SNX29: variants seen among roughly 807,000 people sequenced by gnomAD.
SNX29 encodes sorting nexin 29.
A neutral mutation model predicts 102.1 loss-of-function variants in SNX29; 78 were observed. That is an observed-to-expected ratio of 0.76 (90% CI 0.64 to 0.92). The LOEUF is 0.92. SNX29 is among the 40% of genes least tolerant of loss of function. SNX29 has a pLI of 0.00. For synonymous variants in SNX29, 580 were observed against 414.5 expected (o/e 1.40, Z -4.85); for missense variants, 1,280 against 1,061.7 (o/e 1.21, Z -2.86).
chr16:12,003,429 C>A (rs1428456960), intron 3 of SNX29, among the ~76,000 whole-genome samples: 1 of 152,006 alleles, frequency 6.6e-6, no homozygotes, highest in Admixed American at 6.6e-5. Flanking sequence ...TGTTATATAG[C>A]CATTAAAAAT....
At chr16:12,166,434 G>C (rs1272793310) in intron 13 of SNX29, among the ~76,000 whole-genome samples, 5 of 152,226 alleles carry the variant, frequency 3.3e-5, no homozygotes, top group Non-Finnish European at 7.3e-5. Context: ...TGGAGGGCTA[G>C]CCAGGTTAAC....
At chr16:12,262,788 C>T (rs905610378) in intron 14 of SNX29, among the ~76,000 whole-genome samples, 1 of 152,196 alleles carries the variant, frequency 6.6e-6, no homozygotes, top group Non-Finnish European at 1.5e-5. Flanking sequence ...ATGCAGTTCA[C>T]GTGTTCTAAG....
chr16:12,525,386 C>G (rs169770), intron 20 of SNX29, among the ~76,000 whole-genome samples: 31,608 of 152,016 alleles, frequency 0.21, 3,435 homozygotes, highest in East Asian at 0.3. Flanking sequence ...AATCATTACA[C>G]TTCAGGCTGG....
chr16:12,077,427 GTA>G (rs56935387), intron 10 of SNX29, among the ~76,000 whole-genome samples: 1 of 145,598 alleles, frequency 6.9e-6, no homozygotes, highest in South Asian at 2.2e-4. Flanking sequence ...GTGTGTGTGT[GTA>G]TCTCTGTTAA....
chr16:12,291,192 G>T (rs960089327), intron 15 of SNX29, among the ~76,000 whole-genome samples: 10 of 152,164 alleles, frequency 6.6e-5, no homozygotes, highest in Non-Finnish European at 1.3e-4. Context: ...TTAGTCCATT[G>T]TCACGGTGCT....
intron 14 of SNX29, among the ~76,000 whole-genome samples, chr16:12,233,324 A>T (rs545194922): frequency 1.3e-5 from 2 of 152,302 alleles, no homozygotes; most frequent in South Asian, 2.1e-4. Flanking sequence ...ATCCTAAGCA[A>T]ATTAGTGCCC....
chr16:12,211,279 G>A (rs2077176479), intron 14 of SNX29, among the ~76,000 whole-genome samples: 1 of 152,092 alleles, frequency 6.6e-6, no homozygotes, highest in African/African-American at 2.4e-5. Flanking sequence ...AGGTAATTTC[G>A]AATACATATT....
chr16:12,235,395 G>A (rs1168817682), intron 14 of SNX29, among the ~76,000 whole-genome samples: 2 of 152,124 alleles, frequency 1.3e-5, no homozygotes, highest in South Asian at 2.1e-4. Flanking sequence ...TTGAAATTTG[G>A]TTAGGAAGCG....
At chr16:12,030,319 A>G (rs2057303901) in intron 4 of SNX29, among the ~76,000 whole-genome samples, 1 of 152,146 alleles carries the variant, frequency 6.6e-6, no homozygotes, top group African/African-American at 2.4e-5. Context: ...TGTCTCATGA[A>G]TGTCTCTATT....
intron 19 of SNX29, among the ~76,000 whole-genome samples, chr16:12,495,367 C>G (rs971918541): frequency 6.6e-6 from 1 of 152,036 alleles, no homozygotes; most frequent in South Asian, 2.1e-4. Flanking sequence ...GTCCAGGTCT[C>G]GAACTCCTGA....
chr16:12,305,873 C>A (rs1341023439), intron 15 of SNX29, among the ~76,000 whole-genome samples: 1 of 152,176 alleles, frequency 6.6e-6, no homozygotes, highest in Non-Finnish European at 1.5e-5. Context: ...CGAGCTGTAA[C>A]CTGTTCGGAT....
chr16:12,119,751 G>T (rs1413942351), intron 11 of SNX29, among the ~76,000 whole-genome samples: 2 of 152,246 alleles, frequency 1.3e-5, no homozygotes, highest in Non-Finnish European at 2.9e-5. Context: ...GCTGGACCAG[G>T]TGTGGGTCCT....
chr16:12,285,545 T>TA (rs987078797), intron 15 of SNX29, among the ~76,000 whole-genome samples: 133 of 152,340 alleles, frequency 8.7e-4, no homozygotes, highest in African/African-American at 3.0e-3. Flanking sequence ...ATCAAGCTGG[T>TA]AAAAAATACA....
chr16:12,002,121 T>C (rs544453990), intron 2 of SNX29, among the ~76,000 whole-genome samples: 10 of 152,148 alleles, frequency 6.6e-5, no homozygotes, highest in African/African-American at 2.2e-4. Context: ...GCAATGTTTA[T>C]GTTATCTATA....
chr16:12,066,980 A>AAAATAAATAAAT (rs34221283), intron 9 of SNX29, among the ~76,000 whole-genome samples: 15 of 133,748 alleles, frequency 1.1e-4, no homozygotes, highest in African/African-American at 3.4e-4. Flanking sequence ...CCGTGTCTCT[A>AAAATAAATAAAT]AAATAAATAA....
intron 19 of SNX29, among the ~76,000 whole-genome samples, chr16:12,520,386 G>A (rs577145849): frequency 1.3e-5 from 2 of 152,334 alleles, no homozygotes; most frequent in South Asian, 2.1e-4. Flanking sequence ...GTTGTCTTCT[G>A]TACTGGGGAG....
chr16:12,043,207 C>G, intron 5 of SNX29, 130 bp downstream of exon 5: 1 of 1,190,674 alleles, frequency 8.4e-7, no homozygotes, highest in Non-Finnish European at 1.2e-6. Context: ...TCTGACAGCT[C>G]CGGAGTGTTC....
At chr16:12,538,931 G>C (rs368655078) in intron 20 of SNX29, among the ~76,000 whole-genome samples, 1 of 152,128 alleles carries the variant, frequency 6.6e-6, no homozygotes, top group Non-Finnish European at 1.5e-5. Context: ...GGGTGGCTGT[G>C]GGCATGTAGC....
rs541087742 is a variant in SNX29 at position 12,116,976 on chromosome 16, G to T, written c.1403-9657G>T. Among the ~76,000 whole-genome samples, 6 of 151,746 alleles carry T rather than the reference G, an allele frequency of 4.0e-5. No individual in the cohort carries two copies. In the South Asian group the frequency reaches 1.3e-3, roughly 32 times the overall value. ...AGGAGTGGTCAATACGTGCTTCAAT[G>T]CGGATGAACCATGGAAACAGGCGTG... On this transcript the variant is annotated intron_variant, in intron 11 of 20. Transcript: ENST00000566228.
Sources: allele counts gnomAD v4.1 joint callset (sites outside exome capture counted in the v4.1 genomes callset), GRCh38; gene constraint gnomAD v4.1.1; transcripts MANE v1.5; gene names NCBI Gene and HGNC (gene_info 2026-07-23, HGNC 2026-07-21).